Variants in ZNF429 observed in about 807,000 individuals in gnomAD.
ZNF429 encodes zinc finger protein 429.
In ZNF429, 53 loss-of-function variants were observed where a neutral mutation model predicts 56.8. The observed-to-expected ratio is 0.93, with a 90% confidence interval of 0.75 to 1.17. The LOEUF is 1.17. Ranked by LOEUF, ZNF429 falls within the 50% of genes most tolerant of loss-of-function variation. The pLI is 0.00. For synonymous variants in ZNF429, 278 were observed against 264.7 expected, an observed-to-expected ratio of 1.05 and a Z score of -0.49; for missense variants, 849 against 788.4, an observed-to-expected ratio of 1.08 and a Z score of -0.92.
rs1473417375 is a variant in ZNF429, at chr19:21,529,691, T to TTC, written c.43_44dup (p.Glu16TrpfsTer18). 1.3e-6 allele frequency: 2 copies of TTC among 1,597,822 alleles called. No individual in the cohort carries two copies. Among genetic ancestry groups the TTC allele is most frequent in the Non-Finnish European group, 1.7e-6 (2 of 1,171,096 alleles). ...GACATTTACAGATGTGGCCATAGAA[T>TTC]TCTCTCTGGAGGAGTGGCAGTGCCT... On this transcript the variant is annotated frameshift_variant, in exon 2 of 4. Coordinates refer to ENST00000358491, the MANE Select transcript of ZNF429 (RefSeq NM_001001415.4). LOFTEE classifies it high-confidence loss of function.
chr19:21,535,296 C>CTTTCTTTCTTTCTTTCTTTCT, intron 3 of ZNF429, among the ~76,000 whole-genome samples: 4 of 82,548 alleles, frequency 4.8e-5, no homozygotes, highest in African/African-American at 5.5e-5. Context: ...CATTTCTTTC[C>CTTTCTTTCTTTCTTTCTTTCT]TTCTTTCTTT....
intron 1 of ZNF429, among the ~76,000 whole-genome samples, chr19:21,510,835 G>A (rs549341562): frequency 2.3e-4 from 35 of 152,182 alleles, no homozygotes; most frequent in African/African-American, 7.9e-4. Context: ...ATCTTGCACC[G>A]CCCTTAATCC....
At chr19:21,529,917 G>A in intron 2 of ZNF429, 133 bp downstream of exon 2, 1 of 640,004 alleles carries the variant, frequency 1.6e-6, no homozygotes, top group Non-Finnish European at 2.4e-6. Context: ...AAAGTTTGGG[G>A]CCGGGTGTCT....
chr19:21,532,528 A>G, intron 3 of ZNF429, among the ~76,000 whole-genome samples: 1 of 152,168 alleles, frequency 6.6e-6, no homozygotes, highest in Non-Finnish European at 1.5e-5. Context: ...AATTAGGCAG[A>G]TACTTGTTTG....
At chr19:21,530,807 T>C in intron 3 of ZNF429, 123 bp downstream of exon 3, 1 of 834,400 alleles carries the variant, frequency 1.2e-6, no homozygotes, top group Non-Finnish European at 1.8e-6. Flanking sequence ...TGAAAAACTG[T>C]GTTCTAAAAA....
intron 2 of ZNF429, 54 bp downstream of exon 2, chr19:21,529,838 C>T: frequency 8.7e-7 from 1 of 1,149,838 alleles, no homozygotes; most frequent in East Asian, 3.1e-5. Context: ...TTTCATTTCT[C>T]CTCTTTGTAG....
In ZNF429 at chr19:21,536,787, C is replaced by T; in HGVS notation, c.734C>T (p.Thr245Ile). 6.2e-7 allele frequency: 1 copy of T among 1,613,972 alleles called. No individual in the cohort carries two copies. ...GKAFNHYSTL[T>I]NHKRIHTGEK... ...GCATTTAACCACTACTCAACCCTTA[C>T]TAACCATAAGAGAATTCATACTGGA... is the stretch of plus-strand genomic sequence containing the variant. The change falls in exon 4 of 4, where the codon ACT becomes ATT. Residue 245 changes from threonine to isoleucine, a missense_variant. Thr to Ile is a moderately conservative substitution (Grantham distance 89). Coordinates refer to ENST00000358491, the MANE Select transcript of ZNF429 (RefSeq NM_001001415.4).
chr19:21,523,288 C>G (rs899897524), intron 1 of ZNF429, among the ~76,000 whole-genome samples: 1 of 152,158 alleles, frequency 6.6e-6, no homozygotes, highest in African/African-American at 2.4e-5. Flanking sequence ...AACAGAAAAT[C>G]TTTTATCTGA....
intron 1 of ZNF429, among the ~76,000 whole-genome samples, chr19:21,510,480 A>G (rs1032628111): frequency 2.6e-5 from 4 of 152,326 alleles, no homozygotes; most frequent in Non-Finnish European, 5.9e-5. Context: ...AAGTGGAAGC[A>G]TGTTTATTAA....
intron 1 of ZNF429, 100 bp from the exon 2 acceptor site, chr19:21,529,558 C>T (rs1383970964): frequency 1.6e-6 from 2 of 1,286,466 alleles, no homozygotes; most frequent in African/African-American, 1.5e-5. Flanking sequence ...TTTACTCTCT[C>T]ATTTCACCTT....
chr19:21,510,590 AT>A (rs528502097), intron 1 of ZNF429, among the ~76,000 whole-genome samples: 2 of 151,454 alleles, frequency 1.3e-5, no homozygotes, highest in African/African-American at 4.9e-5. Flanking sequence ...TAATTTTTTA[AT>A]TTTTTTTTAT....
Position 21,536,300 on chromosome 19 carries a change from G to A in ZNF429, c.247G>A (p.Glu83Lys). Residue 83 changes from glutamate (E) to lysine (K), a missense_variant, in exon 4 of 4, where the codon GAA (glutamate) becomes AAA (lysine). Coordinates refer to ENST00000358491, the MANE Select transcript of ZNF429 (RefSeq NM_001001415.4). ...EPPVVCSHFA[E>K]DFWPEQDIKD... ...TTTAGTTGTGTGTTCTCATTTTGCT[G>A]AAGACTTTTGGCCAGAGCAAGACAT... 1 of 1,577,354 alleles carries A rather than the reference G, an allele frequency of 6.3e-7. No homozygotes were observed. The highest frequency in any genetic ancestry group is 8.6e-7 in the Non-Finnish European group (1 of 1,165,848).
chr19:21,529,521 C>A, intron 1 of ZNF429, 137 bp from the exon 2 acceptor site: 2 of 1,187,654 alleles, frequency 1.7e-6, no homozygotes, highest in African/African-American at 1.6e-5. Flanking sequence ...TAATTTCAGT[C>A]ACTTGTATAA....
intron 1 of ZNF429, among the ~76,000 whole-genome samples, chr19:21,511,784 A>T (rs1244104256): frequency 6.6e-6 from 1 of 152,148 alleles, no homozygotes; most frequent in Non-Finnish European, 1.5e-5. Context: ...CAGCCTGGGC[A>T]CCATTGAACA....
At chr19:21,521,841 C>T (rs2032995583) in intron 1 of ZNF429, 1 of 152,228 alleles carries the variant, frequency 6.6e-6, no homozygotes, top group Non-Finnish European at 1.5e-5. Context: ...GCTCCCATTC[C>T]CATTATTATG....
chr19:21,519,409 C>A (rs2032902060), intron 1 of ZNF429, among the ~76,000 whole-genome samples: 1 of 152,168 alleles, frequency 6.6e-6, no homozygotes, highest in African/African-American at 2.4e-5. Flanking sequence ...CACCTAGGCA[C>A]CATAGTGAAG....
At chr19:21,513,634 C>T (rs2032604631) in intron 1 of ZNF429, among the ~76,000 whole-genome samples, 1 of 152,042 alleles carries the variant, frequency 6.6e-6, no homozygotes, top group African/African-American at 2.4e-5. Context: ...AGATTTGGTG[C>T]CAGAAGAAAG....
intron 1 of ZNF429, among the ~76,000 whole-genome samples, chr19:21,511,565 T>C (rs946148111): frequency 6.7e-6 from 1 of 148,674 alleles, no homozygotes; most frequent in Non-Finnish European, 1.5e-5. Flanking sequence ...GGATGGCGGC[T>C]GGACAGAGAC....
intron 1 of ZNF429, among the ~76,000 whole-genome samples, chr19:21,506,464 G>GAA (rs2032160604): frequency 6.6e-6 from 1 of 150,772 alleles, no homozygotes; most frequent in African/African-American, 2.4e-5. Flanking sequence ...AAAAAAAAGG[G>GAA]GAGTCACTGC....
Sources: gnomAD v4.1 joint callset for allele counts (sites outside exome capture counted in the v4.1 genomes callset) on GRCh38, gnomAD v4.1.1 for gene constraint, MANE v1.5 for transcripts, NCBI Gene and HGNC (gene_info 2026-07-23, HGNC 2026-07-21) for gene names.